JPH1: variants seen among roughly 807,000 people sequenced by gnomAD.
JPH1 encodes junctophilin 1.
In JPH1, 12 loss-of-function variants were observed where a neutral mutation model predicts 53.6. The observed-to-expected ratio is 0.22, with a 90% confidence interval of 0.14 to 0.36. The LOEUF (loss-of-function observed/expected upper bound fraction) is 0.36. Among genes scored for constraint, JPH1 ranks in the 10% least tolerant of loss-of-function variants. The pLI is 1.00. For missense variants in JPH1, 808 were observed against 905.5 expected (o/e 0.89, Z 1.38); for synonymous variants, 375 against 363.8 (o/e 1.03, Z -0.35).
At chr8:74,240,216 T>A (rs1453395924) in intron 4 of JPH1, among the ~76,000 whole-genome samples, 1 of 152,022 alleles carries the variant, frequency 6.6e-6, no homozygotes, top group Non-Finnish European at 1.5e-5. Context: ...AAGTGATCCA[T>A]CCGCCTCAGC....
chr8:74,243,793 T>C (rs548226436), intron 4 of JPH1, among the ~76,000 whole-genome samples: 1 of 152,322 alleles, frequency 6.6e-6, no homozygotes, highest in Non-Finnish European at 1.5e-5. Context: ...AAAGAAGGTA[T>C]AAAGATTTTT....
chr8:74,318,490 T>C (rs1036648080), intron 1 of JPH1, among the ~76,000 whole-genome samples: 3 of 152,186 alleles, frequency 2.0e-5, no homozygotes, highest in Admixed American at 2.0e-4. Context: ...AGATCAGAAT[T>C]AGCACAAAAA....
At position 74,304,020 on chromosome 8, in the gene JPH1, C is replaced by T. The variant is rs1327759601; in HGVS notation, c.1139+10841G>A. ...AATACACATGGTCCACTGTCCTTTG[C>T]ACCCACCTCTATCTTCTGGAAAACA... On this transcript the variant is annotated intron_variant, in intron 2 of 5. Coordinates refer to ENST00000342232, the MANE Select transcript of JPH1 (RefSeq NM_020647.4). Among the ~76,000 whole-genome samples, 7 of 152,222 alleles carry T rather than the reference C, an allele frequency of 4.6e-5. No homozygotes were observed. In the East Asian group the frequency reaches 1.2e-3, roughly 25 times the overall value.
chr8:74,261,505 T>C (rs1358705022), intron 2 of JPH1, among the ~76,000 whole-genome samples: 1 of 152,134 alleles, frequency 6.6e-6, no homozygotes, highest in Admixed American at 6.5e-5. Flanking sequence ...GTGTATGGGG[T>C]ATCAAGAAAT....
intron 2 of JPH1, among the ~76,000 whole-genome samples, chr8:74,300,148 C>G (rs1807634571): frequency 6.6e-6 from 1 of 152,134 alleles, no homozygotes; most frequent in African/African-American, 2.4e-5. Flanking sequence ...CCATGAAAAA[C>G]AACAAAAACA....
intron 3 of JPH1, 75 bp downstream of exon 3, chr8:74,259,310 G>T: frequency 8.8e-7 from 1 of 1,138,284 alleles, no homozygotes; most frequent in Non-Finnish European, 1.3e-6. Flanking sequence ...ACATCTTTAT[G>T]TTGAAAGGAA....
intron 2 of JPH1, among the ~76,000 whole-genome samples, chr8:74,285,153 T>G (rs929439419): frequency 3.9e-5 from 6 of 152,120 alleles, no homozygotes; most frequent in African/African-American, 1.4e-4. Flanking sequence ...GGAGATTTTT[T>G]TTTAAACCAA....
At chr8:74,286,637 TTTATAA>T (rs1807172214) in intron 2 of JPH1, among the ~76,000 whole-genome samples, 4 of 152,232 alleles carry the variant, frequency 2.6e-5, no homozygotes, top group African/African-American at 7.2e-5. Flanking sequence ...ACCTACCTGA[TTTATAA>T]TTATGTCTGT....
chr8:74,285,972 T>A (rs1357749677), intron 2 of JPH1, among the ~76,000 whole-genome samples: 2 of 152,226 alleles, frequency 1.3e-5, no homozygotes, highest in Non-Finnish European at 2.9e-5. Flanking sequence ...TACTTTAAAA[T>A]TTTGAACCAT....
In JPH1 at chr8:74,320,826, C is replaced by A. The variant is rs1808296836; in HGVS notation, c.379+83G>T. On this transcript the variant is annotated intron_variant, in intron 1 of 5. Coordinates refer to ENST00000342232, the MANE Select transcript of JPH1 (RefSeq NM_020647.4). The surrounding 1 kb of genome is among the most constrained non-coding windows in gnomAD (Gnocchi z 4.4). ...CGGGTTTCCGGACACGTGCGCCCGG[C>A]GTCCTCCCCGCTTCCCCGCAGCCGG... 1 of 1,385,814 alleles carries A rather than the reference C, an allele frequency of 7.2e-7. No individual in the cohort carries two copies. The highest frequency in any genetic ancestry group is 9.4e-7 in the Non-Finnish European group (1 of 1,064,812). The allele number at this position is 1,385,814 out of a possible 1,614,324, so 85.8% of individuals were successfully genotyped here.
intron 2 of JPH1, among the ~76,000 whole-genome samples, chr8:74,286,298 T>C (rs1370014664): frequency 6.6e-6 from 1 of 152,102 alleles, no homozygotes. Context: ...ATAATTGACA[T>C]AATGATTGTA....
At chr8:74,298,187 T>A (rs996379342) in intron 2 of JPH1, among the ~76,000 whole-genome samples, 1 of 152,210 alleles carries the variant, frequency 6.6e-6, no homozygotes, top group East Asian at 1.9e-4. Flanking sequence ...TTTTTATCTA[T>A]CACCTTGAAT....
At chr8:74,263,810 A>C (rs147173655) in intron 2 of JPH1, among the ~76,000 whole-genome samples, 57 of 134,836 alleles carry the variant, frequency 4.2e-4, no homozygotes, top group Non-Finnish European at 7.2e-4. Context: ...AAGAAAATGC[A>C]AAAAATAGGA....
chr8:74,264,183 C>T (rs1806470815), intron 2 of JPH1, among the ~76,000 whole-genome samples: 1 of 152,208 alleles, frequency 6.6e-6, no homozygotes, highest in Non-Finnish European at 1.5e-5. Flanking sequence ...CTGATAAAGA[C>T]TTTGGTCTAG....
At position 74,292,344 on chromosome 8, in the gene JPH1, C is replaced by T. The variant is rs576199230; in HGVS notation, c.1139+22517G>A. On this transcript the variant is annotated intron_variant, in intron 2 of 5. Transcript: ENST00000342232. Reference sequence around the variant, plus strand: ...GCTCACTTGGAACCCCCTGAATACCCAGCAGTGTCTACTCAAGGAAGCGAC... The same window carrying T: ...GCTCACTTGGAACCCCCTGAATACCTAGCAGTGTCTACTCAAGGAAGCGAC... Among the ~76,000 whole-genome samples, 34 of 152,280 alleles carry T rather than the reference C, an allele frequency of 2.2e-4. 1 individual carries two copies. The South Asian group carries it at 6.6e-3, about 30-fold the overall frequency.
intron 2 of JPH1, among the ~76,000 whole-genome samples, chr8:74,262,164 AG>A (rs1358365862): frequency 6.6e-6 from 1 of 152,202 alleles, no homozygotes; most frequent in African/African-American, 2.4e-5. Flanking sequence ...TGAATCCTGA[AG>A]TCTGCTCAAG....
At chr8:74,249,757 T>C (rs749036763) in intron 3 of JPH1, among the ~76,000 whole-genome samples, 1 of 152,244 alleles carries the variant, frequency 6.6e-6, no homozygotes, top group Non-Finnish European at 1.5e-5. Flanking sequence ...ATATTAATGA[T>C]AGGCCTAGAC....
chr8:74,319,131 G>A (rs1159591285), intron 1 of JPH1, among the ~76,000 whole-genome samples: 1 of 151,806 alleles, frequency 6.6e-6, no homozygotes, highest in East Asian at 1.9e-4. Context: ...GGGTTTCTAC[G>A]ACATGTACAC....
chr8:74,248,852 GTTCATTAAAAAGAC>G (rs1411856445), intron 3 of JPH1, among the ~76,000 whole-genome samples: 2 of 152,194 alleles, frequency 1.3e-5, no homozygotes, highest in Non-Finnish European at 2.9e-5. Flanking sequence ...AGATGCAGCG[GTTCATTAAAAAGAC>G]TAGTCAGAAT....
Sources: gnomAD v4.1 joint callset for allele counts (sites outside exome capture counted in the v4.1 genomes callset) on GRCh38, gnomAD v4.1.1 for gene constraint, Gnocchi (gnomAD v3.1) non-coding constraint, MANE v1.5 for transcripts, NCBI Gene and HGNC (gene_info 2026-07-23, HGNC 2026-07-21) for gene names.